The following BSN variants were observed in gnomAD, a reference collection of about 807,000 sequenced individuals.
BSN encodes the protein protein bassoon.
In BSN, 57 loss-of-function variants were observed where a neutral mutation model predicts 264.8. The observed-to-expected ratio is 0.22, with a 90% CI of 0.17 to 0.27. The LOEUF is 0.27. Among genes scored for constraint, BSN ranks in the 10% least tolerant of loss-of-function variants. The pLI, the probability that BSN is intolerant of heterozygous loss-of-function variation, is 1.00. For synonymous variants in BSN, 2,059 were observed against 2,137.3 expected, an observed-to-expected ratio of 0.96 and a Z score of 1.01; for missense variants, 4,615 against 5,232.5, an observed-to-expected ratio of 0.88 and a Z score of 3.64.
chr3:49,580,882 C>T (rs2051891010), intron 1 of BSN, among the ~76,000 whole-genome samples: 2 of 152,054 alleles, frequency 1.3e-5, no homozygotes, highest in African/African-American at 4.8e-5. Context: ...TGTTGTGCAA[C>T]CATCACCACT....
chr3:49,668,860 C>A lies in BSN; in HGVS notation c.*1375C>A, dbSNP rs1163200301. 1.3e-5 allele frequency: 2 copies of A among 152,628 alleles called. No individual in the cohort carries two copies. Among genetic ancestry groups the A allele is most frequent in the Non-Finnish European group, 2.9e-5 (2 of 68,048 alleles). The allele number at this position is 152,628 out of a possible 1,614,324, so 9.5% of individuals were successfully genotyped here. On this transcript the variant is annotated 3_prime_UTR_variant, in exon 12 of 12. Transcript: ENST00000296452. ...AACGTTCTATGCAATGAAATATAAA[C>A]CCTCAATGACAACTGTTAATATTTA... is the stretch of plus-strand genomic sequence containing the variant.
Position 49,554,526 on chromosome 3 carries a change from C to A in BSN, c.-77C>A, listed in dbSNP as rs1490913346. ...GAGATGGCGGCGGCAGCGGCGGCGCCGAGAGTGTGAGCACCGCCCGGGAGC... is the reference window on the plus strand; with the variant it reads ...GAGATGGCGGCGGCAGCGGCGGCGCAGAGAGTGTGAGCACCGCCCGGGAGC... On this transcript the variant is annotated 5_prime_UTR_variant, in exon 1 of 12. Coordinates refer to ENST00000296452, the MANE Select transcript of BSN (RefSeq NM_003458.4). The A allele has an allele frequency of 1.3e-5, 6 of 469,568 alleles. No homozygotes were observed. The highest frequency in any genetic ancestry group is 2.1e-5 in the African/African-American group (1 of 47,004). The allele number at this position is 469,568 out of a possible 1,614,324, so 29.1% of individuals were successfully genotyped here. A position where few individuals can be genotyped will look rare whatever the true frequency, so the allele number is the denominator to read the frequency against.
chr3:49,580,897 AT>A (rs1349782480), intron 1 of BSN, among the ~76,000 whole-genome samples: 1 of 151,608 alleles, frequency 6.6e-6, no homozygotes, highest in African/African-American at 2.4e-5. Context: ...ACCACTATCT[AT>A]TTCTAAAATT....
intron 1 of BSN, among the ~76,000 whole-genome samples, chr3:49,595,297 A>G (rs905937894): frequency 2.0e-5 from 3 of 151,872 alleles, no homozygotes; most frequent in East Asian, 1.9e-4. Context: ...GGTTCAAGCA[A>G]TTCTCCTGCC....
intron 3 of BSN, among the ~76,000 whole-genome samples, chr3:49,644,187 G>T (rs116647077): frequency 0.015 from 2,251 of 152,250 alleles, 45 homozygotes; most frequent in African/African-American, 0.051. Context: ...GGAGATGTTC[G>T]AGCCAAGGCC....
rs544923830 is a variant in BSN at position 49,642,389 on chromosome 3, C to T, written c.755C>T (p.Ser252Phe). The change falls in exon 3 of 12, where the codon TCC becomes TTC. Residue 252 changes from serine to phenylalanine, a missense_variant. By Grantham distance (155) the Ser-to-Phe change is radical. Around this residue, in one of 3 missense-constraint regions of BSN, gnomAD observed 1,197 missense variants for 1,348.0 expected, o/e 0.89. Transcript: ENST00000296452. This position sits in a 1 kb window ranked among gnomAD's most constrained non-coding sequence, Gnocchi z 7.0. ...TCCCCAGCCCTGTCTCCTGCCCACT[C>T]CCCGGCCAAACAGCCCCTGGGGAAG... ...LHSPALSPAH[S>F]PAKQPLGKPD... 1.2e-4 allele frequency: 199 copies of T among 1,600,536 alleles called. No individual in the cohort carries two copies. The highest frequency in any genetic ancestry group is 1.5e-4 in the Non-Finnish European group (178 of 1,173,590).
intron 1 of BSN, among the ~76,000 whole-genome samples, chr3:49,595,390 G>A (rs2052014780): frequency 6.7e-6 from 1 of 149,420 alleles, no homozygotes; most frequent in Non-Finnish European, 1.5e-5. Flanking sequence ...CAGGGTTTCT[G>A]CATGTTGAGG....
intron 1 of BSN, among the ~76,000 whole-genome samples, chr3:49,565,308 A>G (rs1289712602): frequency 1.6e-4 from 18 of 112,246 alleles, no homozygotes; most frequent in Non-Finnish European, 2.9e-4. Context: ...CACCACGCCC[A>G]GCTAATTTTT....
rs2052438806 is a variant in BSN, at chr3:49,638,799, G to A, written c.634-3469G>A. Among the ~76,000 whole-genome samples, 1 of 152,224 alleles carries A rather than the reference G, an allele frequency of 6.6e-6. No individual in the cohort carries two copies. The highest frequency in any genetic ancestry group is 2.4e-5 in the African/African-American group (1 of 41,466). On this transcript the variant is annotated intron_variant, in intron 2 of 11. Transcript: ENST00000296452. The surrounding 1 kb of genome is among the most constrained non-coding windows in gnomAD (Gnocchi z 4.3). ...AGCCTGATTCAGAACCCCAGGGACA[G>A]TCACCCCAAAGTTGCAGGATAAGAA...
At chr3:49,613,892 A>G (rs1435675803) in intron 1 of BSN, among the ~76,000 whole-genome samples, 1 of 152,042 alleles carries the variant, frequency 6.6e-6, no homozygotes, top group Non-Finnish European at 1.5e-5. Context: ...TTTTTAAATG[A>G]ATGAATGAAT....
rs1355160381 is a variant in BSN at position 49,645,702 on chromosome 3, T to A, written c.1518+2550T>A. Among the ~76,000 whole-genome samples, 9 of 152,228 alleles carry A rather than the reference T, an allele frequency of 5.9e-5. No individual in the cohort carries two copies. In the South Asian group the frequency reaches 1.9e-3, roughly 32 times the overall value. Reference sequence around the variant, plus strand: ...GCTGTGGTCTGTCTTGGATCTCACCTCAGTCAATGGCCACTTGGCATCCTG... The same window carrying A: ...GCTGTGGTCTGTCTTGGATCTCACCACAGTCAATGGCCACTTGGCATCCTG... On this transcript the variant is annotated intron_variant, in intron 3 of 11. Coordinates refer to ENST00000296452, the MANE Select transcript of BSN (RefSeq NM_003458.4).
chr3:49,649,280 A>G (rs1350645492), intron 3 of BSN, among the ~76,000 whole-genome samples: 1 of 152,120 alleles, frequency 6.6e-6, no homozygotes, highest in Non-Finnish European at 1.5e-5. Context: ...TGGCTCTGTG[A>G]CCTTGTGGTT....
At chr3:49,564,282 A>C (rs1341061961) in intron 1 of BSN, among the ~76,000 whole-genome samples, 1 of 151,840 alleles carries the variant, frequency 6.6e-6, no homozygotes, top group Non-Finnish European at 1.5e-5. Flanking sequence ...TTGGGCAGCT[A>C]CTCCCACACT....
At chr3:49,672,017 T>A (rs901744422), downstream of BSN, among the ~76,000 whole-genome samples, 13 of 144,480 alleles carry the variant, frequency 9.0e-5, no homozygotes, top group Non-Finnish European at 1.8e-4. Flanking sequence ...CACCCAGAGT[T>A]GCTAGACCTT....
At chr3:49,601,396 T>G (rs969562177) in intron 1 of BSN, among the ~76,000 whole-genome samples, 1 of 152,228 alleles carries the variant, frequency 6.6e-6, no homozygotes, top group Non-Finnish European at 1.5e-5. Context: ...GCATCCCATG[T>G]GCTCAGCTCT....
chr3:49,652,285 C>G lies in BSN; in HGVS notation c.2729C>G (p.Pro910Arg). 1.3e-6 allele frequency: 2 copies of G among 1,597,374 alleles called. No homozygotes were observed. Among genetic ancestry groups the G allele is most frequent in the Admixed American group, 1.7e-5 (1 of 58,084 alleles). ...NATTGYEELL[P>R]EGGSAEATDG... ...ACCACGGGCTATGAGGAGCTGCTCCCTGAGGGAGGCTCAGCAGAGGCTACC... is the reference window on the plus strand; with the variant it reads ...ACCACGGGCTATGAGGAGCTGCTCCGTGAGGGAGGCTCAGCAGAGGCTACC... The change falls in exon 5 of 12, where the codon CCT (proline) becomes CGT (arginine). Residue 910 changes from proline (P) to arginine (R), a missense_variant. Pro to Arg is a moderately radical substitution (Grantham distance 103). This residue lies in a region of BSN where 1,197 missense variants were observed against 1,348.0 expected (regional missense o/e 0.89). Coordinates refer to ENST00000296452, the MANE Select transcript of BSN (RefSeq NM_003458.4).
At chr3:49,583,517 G>A (rs1470920191) in intron 1 of BSN, among the ~76,000 whole-genome samples, 1 of 152,086 alleles carries the variant, frequency 6.6e-6, no homozygotes, top group Non-Finnish European at 1.5e-5. Flanking sequence ...GGCTGAGGTG[G>A]GAGGATCACT....
In BSN at chr3:49,662,520, T is replaced by C; in HGVS notation, c.10675T>C (p.Tyr3559His). ...CCACGCATATAAGCGTGAGGAGGGCTACATCCTGGATGATTCCCATTGCGT... is the reference window on the plus strand; with the variant it reads ...CCACGCATATAAGCGTGAGGAGGGCCACATCCTGGATGATTCCCATTGCGT... ...RAHAYKREEG[Y>H]ILDDSHCVVS... Residue 3559 changes from tyrosine (Y) to histidine (H), a missense_variant, in exon 6 of 12, where the codon TAC becomes CAC. Transcript: ENST00000296452. The C allele has an allele frequency of 1.2e-6, 2 of 1,608,806 alleles. No homozygotes were observed. Among genetic ancestry groups the C allele is most frequent in the South Asian group, 1.1e-5 (1 of 90,244 alleles).
intron 1 of BSN, among the ~76,000 whole-genome samples, chr3:49,559,877 A>C (rs2051699839): frequency 6.6e-6 from 1 of 152,214 alleles, no homozygotes; most frequent in East Asian, 1.9e-4. Context: ...GCTTTTTAAA[A>C]AAGAGTTTAT....
Sources: allele counts gnomAD v4.1 joint callset (sites outside exome capture counted in the v4.1 genomes callset), GRCh38; gene constraint gnomAD v4.1.1; regional missense constraint gnomAD v4.1.1; non-coding constraint Gnocchi (gnomAD v3.1); transcripts MANE v1.5; gene names NCBI Gene and HGNC (gene_info 2026-07-23, HGNC 2026-07-21).